The following RAB3C variants were observed in gnomAD, a reference collection of about 807,000 sequenced individuals.
RAB3C encodes ras-related protein Rab-3C.
A neutral mutation model predicts 26.4 loss-of-function variants in RAB3C; 17 were observed. That is an observed-to-expected ratio of 0.64 (90% confidence interval 0.44 to 0.97). The LOEUF (loss-of-function observed/expected upper bound fraction) is 0.97. Among genes scored for constraint, RAB3C ranks in the 50% least tolerant of loss-of-function variants. RAB3C has a pLI of 0.00. For missense variants in RAB3C, 242 were observed against 281.9 expected (o/e 0.86, Z 1.01); for synonymous variants, 91 against 95.9 (o/e 0.95, Z 0.30).
chr5:58,585,752 TTTC>T (rs1745997148), intron 1 of RAB3C, among the ~76,000 whole-genome samples: 1 of 152,106 alleles, frequency 6.6e-6, no homozygotes, highest in Non-Finnish European at 1.5e-5. Context: ...ATGAAGAGTA[TTTC>T]TTTCTGAATT....
intron 1 of RAB3C, among the ~76,000 whole-genome samples, chr5:58,602,274 G>T (rs936976499): frequency 2.6e-5 from 4 of 151,956 alleles, no homozygotes; most frequent in African/African-American, 9.7e-5. Flanking sequence ...CTATCATATG[G>T]TCTATCTTGG....
At chr5:58,845,232 C>T (rs1255284073) in intron 4 of RAB3C, among the ~76,000 whole-genome samples, 3 of 152,088 alleles carry the variant, frequency 2.0e-5, no homozygotes, top group African/African-American at 7.2e-5. Flanking sequence ...GTGAAAAGGC[C>T]TCAGCCTTCT....
chr5:58,835,484 C>G, intron 4 of RAB3C, among the ~76,000 whole-genome samples: 1 of 152,194 alleles, frequency 6.6e-6, no homozygotes, highest in East Asian at 1.9e-4. Context: ...AGCTTATCCT[C>G]TAACAAACGT....
At chr5:58,610,627 C>A (rs1323864735) in intron 1 of RAB3C, among the ~76,000 whole-genome samples, 1 of 151,870 alleles carries the variant, frequency 6.6e-6, no homozygotes, top group Non-Finnish European at 1.5e-5. Flanking sequence ...CTTATTTTTA[C>A]CCTTCTAATT....
chr5:58,749,055 C>T (rs1373946409), intron 3 of RAB3C, among the ~76,000 whole-genome samples: 1 of 152,076 alleles, frequency 6.6e-6, no homozygotes, highest in East Asian at 1.9e-4. Flanking sequence ...AGAGCCTCCC[C>T]CAATGCCATC....
intron 3 of RAB3C, among the ~76,000 whole-genome samples, chr5:58,754,010 G>C (rs1365026972): frequency 6.6e-6 from 1 of 152,142 alleles, no homozygotes; most frequent in African/African-American, 2.4e-5. Context: ...GCTGCTTTCA[G>C]CTTGGGGTCG....
intron 2 of RAB3C, among the ~76,000 whole-genome samples, chr5:58,675,615 C>A (rs1008608172): frequency 2.2e-5 from 2 of 89,406 alleles, no homozygotes; most frequent in Non-Finnish European, 4.7e-5. Context: ...GGCCATTTGT[C>A]TTTTTTTTTT....
intron 2 of RAB3C, among the ~76,000 whole-genome samples, chr5:58,678,371 T>C (rs1490966520): frequency 2.6e-5 from 4 of 152,178 alleles, no homozygotes; most frequent in African/African-American, 9.6e-5. Context: ...ATATTTATGT[T>C]CAGAGTGATT....
chr5:58,737,095 C>CTT lies in RAB3C; in HGVS notation c.371+10976_371+10977dup, dbSNP rs144296386. Reference sequence around the variant, plus strand: ...GCTTCTCTACCCTCGTCTTCTGCTGCTTATCTTCTCCACATGCCACCAAGT... The same window carrying CTT: ...GCTTCTCTACCCTCGTCTTCTGCTGCTTTTATCTTCTCCACATGCCACCAAGT... On this transcript the variant is annotated intron_variant, in intron 3 of 4. Coordinates refer to ENST00000282878, the MANE Select transcript of RAB3C (RefSeq NM_138453.4). 5.3e-5 allele frequency among the ~76,000 whole-genome samples: 8 copies of CTT among 152,170 alleles called. No individual in the cohort carries two copies. The East Asian group carries it at 1.6e-3, about 30-fold the overall frequency.
At chr5:58,710,130 C>T (rs1363644992) in intron 2 of RAB3C, among the ~76,000 whole-genome samples, 2 of 152,098 alleles carry the variant, frequency 1.3e-5, no homozygotes, top group African/African-American at 4.8e-5. Context: ...CTGGCCCACT[C>T]AAAATTGCTT....
chr5:58,668,502 C>G (rs1443319372), intron 2 of RAB3C, among the ~76,000 whole-genome samples: 6 of 152,056 alleles, frequency 3.9e-5, no homozygotes, highest in Admixed American at 6.6e-5. Flanking sequence ...AAAGCCCAAC[C>G]AATGGTTTTC....
chr5:58,727,043 G>A (rs1050910010), intron 3 of RAB3C, among the ~76,000 whole-genome samples: 21 of 152,044 alleles, frequency 1.4e-4, no homozygotes, highest in African/African-American at 4.3e-4. Context: ...AAGAAATACC[G>A]CACTTTAACT....
At position 58,851,294 on chromosome 5, in the gene RAB3C, G is replaced by A. The variant is rs1274614089; in HGVS notation, c.627G>A (p.Lys209=). The change falls in exon 5 of 5, where the codon AAG becomes AAA. Residue 209 remains lysine (K), a synonymous_variant. Coordinates refer to ENST00000282878, the MANE Select transcript of RAB3C (RefSeq NM_138453.4). ...CTGATCCTGCCATCACTGCTGCAAA[G>A]CAGAACACGAGACTCAAGGAAACTC... ...LETDPAITAA[K]QNTRLKETPP... 1.2e-6 allele frequency: 2 copies of A among 1,613,248 alleles called. No homozygotes were observed. The highest frequency in any genetic ancestry group is 1.3e-5 in the African/African-American group (1 of 74,896).
intron 2 of RAB3C, among the ~76,000 whole-genome samples, chr5:58,691,033 A>G (rs1050448372): frequency 6.6e-6 from 1 of 152,210 alleles, no homozygotes; most frequent in Non-Finnish European, 1.5e-5. Context: ...TGTGCTTATT[A>G]CTAAGAACTG....
At chr5:58,710,599 A>T (rs1579872296) in intron 2 of RAB3C, among the ~76,000 whole-genome samples, 1 of 135,580 alleles carries the variant, frequency 7.4e-6, no homozygotes, top group Non-Finnish European at 1.6e-5. Flanking sequence ...ACTCTGTCTC[A>T]AAATAAATAA....
At chr5:58,818,222 A>C (rs1437140151) in intron 3 of RAB3C, among the ~76,000 whole-genome samples, 2 of 152,226 alleles carry the variant, frequency 1.3e-5, no homozygotes, top group Non-Finnish European at 2.9e-5. Context: ...ACACACCCAG[A>C]ACAGGAGAGA....
At chr5:58,833,407 T>C (rs1379323562) in intron 4 of RAB3C, among the ~76,000 whole-genome samples, 1 of 151,574 alleles carries the variant, frequency 6.6e-6, no homozygotes, top group Non-Finnish European at 1.5e-5. Flanking sequence ...CAAACATGAG[T>C]GTTTTTAGCT....
At chr5:58,622,311 T>G (rs1021151624) in intron 2 of RAB3C, among the ~76,000 whole-genome samples, 2 of 152,102 alleles carry the variant, frequency 1.3e-5, no homozygotes, top group Non-Finnish European at 2.9e-5. Context: ...GGTTTGCCTT[T>G]GAAAAGAGTG....
chr5:58,656,031 C>T (rs7734789), intron 2 of RAB3C, among the ~76,000 whole-genome samples: 58,431 of 151,652 alleles, frequency 0.39, 11,499 homozygotes, highest in East Asian at 0.48. Flanking sequence ...GTGATCCACC[C>T]GCCTTGGCCT....
Sources: gnomAD v4.1 joint callset for allele counts (sites outside exome capture counted in the v4.1 genomes callset) on GRCh38, gnomAD v4.1.1 for gene constraint, MANE v1.5 for transcripts, NCBI Gene and HGNC (gene_info 2026-07-23, HGNC 2026-07-21) for gene names.